BMP2K: variants seen among roughly 807,000 people sequenced by gnomAD.
BMP2K encodes the protein BMP-2-inducible protein kinase.
A neutral mutation model predicts 116.0 loss-of-function variants in BMP2K; 74 were observed. That is an observed-to-expected ratio of 0.64 (90% CI 0.53 to 0.77). BMP2K has a LOEUF of 0.77. Among genes scored for constraint, BMP2K ranks in the 30% least tolerant of loss-of-function variants. BMP2K has a pLI of 0.00. For missense variants in BMP2K, 1,365 were observed against 1,403.6 expected (o/e 0.97, Z 0.44); for synonymous variants, 486 against 502.5 (o/e 0.97, Z 0.44).
chr4:78,809,708 T>C lies in BMP2K; in HGVS notation c.179-16329T>C, dbSNP rs1344847138. On this transcript the variant is annotated intron_variant, in intron 1 of 15. Coordinates refer to ENST00000502613, the MANE Select transcript of BMP2K (RefSeq NM_198892.2). ...AGTGTTTTTTTTTTTTTTTAAATAA[T>C]TTCTGACTCTTTATTAACATTCTCT... Among the ~76,000 whole-genome samples, 6 of 151,150 alleles carry C rather than the reference T, an allele frequency of 4.0e-5. No homozygotes were observed. The East Asian group carries it at 1.2e-3, about 29-fold the overall frequency.
At position 78,802,804 on chromosome 4, in the gene BMP2K, CATTATTAT is replaced by C. The variant is rs1234074577; in HGVS notation, c.179-23230_179-23223del. 3.3e-5 allele frequency among the ~76,000 whole-genome samples: 5 copies of C among 151,926 alleles called. 1 individual carries two copies. In the South Asian group the frequency reaches 6.3e-4, roughly 19 times the overall value. ...TATAGTCCTTTGTTTATCTCTGCAC[CATTATTAT>C]ATAATCGAATCAGCATTTATAATCT... On this transcript the variant is annotated intron_variant, in intron 1 of 15. Transcript: ENST00000502613.
At chr4:78,795,857 G>A (rs1286657353) in intron 1 of BMP2K, among the ~76,000 whole-genome samples, 1 of 152,040 alleles carries the variant, frequency 6.6e-6, no homozygotes, top group Admixed American at 6.5e-5. Context: ...TCTCACACCA[G>A]TTAGAATGGC....
chr4:78,859,999 A>G (rs770820090), intron 8 of BMP2K: 1 of 536,246 alleles, frequency 1.9e-6, no homozygotes, highest in Non-Finnish European at 3.5e-6. Context: ...TAACAGTTTA[A>G]TAAACAGGAC....
At chr4:78,903,239 T>G (rs1375282452) in intron 15 of BMP2K, among the ~76,000 whole-genome samples, 1 of 152,082 alleles carries the variant, frequency 6.6e-6, no homozygotes, top group Non-Finnish European at 1.5e-5. Context: ...TGTATTTATT[T>G]GGTGAATATA....
chr4:78,872,948 C>T, intron 13 of BMP2K, 150 bp downstream of exon 13: 1 of 781,280 alleles, frequency 1.3e-6, no homozygotes, highest in Non-Finnish European at 2.0e-6. Context: ...TCTTCTGGTC[C>T]CTTGGCATCC....
intron 1 of BMP2K, among the ~76,000 whole-genome samples, chr4:78,810,924 A>G (rs1016560372): frequency 6.6e-6 from 1 of 152,006 alleles, no homozygotes; most frequent in Non-Finnish European, 1.5e-5. Flanking sequence ...AAAGGAGCAA[A>G]TTTTTGGAGG....
chr4:78,818,281 T>C (rs921802148), intron 1 of BMP2K, among the ~76,000 whole-genome samples: 6 of 152,300 alleles, frequency 3.9e-5, no homozygotes, highest in African/African-American at 1.4e-4. Flanking sequence ...ATATACCCAG[T>C]CACGGGATTG....
rs1443188378 is a variant in BMP2K at position 78,903,262 on chromosome 4, A to T, written c.2063-7348A>T. On this transcript the variant is annotated intron_variant, in intron 15 of 15. Transcript: ENST00000502613. ...TTTGGTGAATATAAGCTTGTTTTTC[A>T]AAATTATCCTATTGTTATTACCTTG... 5.9e-5 allele frequency among the ~76,000 whole-genome samples: 9 copies of T among 152,124 alleles called. No individual in the cohort carries two copies. The East Asian group carries it at 1.7e-3, about 29-fold the overall frequency.
chr4:78,821,099 GGAT>G (rs976734126), intron 1 of BMP2K, among the ~76,000 whole-genome samples: 9 of 152,106 alleles, frequency 5.9e-5, no homozygotes, highest in African/African-American at 1.7e-4. Context: ...TAGGTTCTTT[GGAT>G]GATTTCTTTA....
Position 78,833,659 on chromosome 4 carries a change from A to G in BMP2K, c.375A>G (p.Glu125=), listed in dbSNP as rs756474729. The change falls in exon 3 of 16, where the codon GAA becomes GAG. Residue 125 remains glutamate (E), a synonymous_variant. Transcript: ENST00000502613. ...ATTCAATTAGTGATAATGTATGGGA[A>G]GTCCTTATCTTAATGGAATATTGTC... ...AVNSISDNVW[E]VLILMEYCRA... is the part of the protein sequence containing the mutation. The G allele has an allele frequency of 2.5e-6, 4 of 1,606,744 alleles. No homozygotes were observed. The highest frequency in any genetic ancestry group is 1.1e-5 in the South Asian group (1 of 89,240).
chr4:78,887,421 T>C (rs1162510825), intron 15 of BMP2K, 137 bp downstream of exon 15: 3 of 672,842 alleles, frequency 4.5e-6, no homozygotes, highest in Non-Finnish European at 7.7e-6. Flanking sequence ...TTAGCCATCC[T>C]ACTCTTCTTA....
chr4:78,859,813 A>G (rs188301668), intron 8 of BMP2K, 126 bp downstream of exon 8: 4 of 656,608 alleles, frequency 6.1e-6, no homozygotes, highest in Non-Finnish European at 1.0e-5. Context: ...TTTCATGACA[A>G]GTGATCTGAT....
At chr4:78,847,381 T>G in intron 6 of BMP2K, 112 bp downstream of exon 6, 1 of 551,952 alleles carries the variant, frequency 1.8e-6, no homozygotes. Flanking sequence ...TAGAAGAGAG[T>G]GATGTACAGT....
At chr4:78,796,818 A>G (rs1304835664) in intron 1 of BMP2K, among the ~76,000 whole-genome samples, 1 of 152,214 alleles carries the variant, frequency 6.6e-6, no homozygotes. Flanking sequence ...AAAGAGTAAT[A>G]TTAGAGAACT....
At chr4:78,900,784 A>G (rs1333025063) in intron 15 of BMP2K, among the ~76,000 whole-genome samples, 1 of 152,202 alleles carries the variant, frequency 6.6e-6, no homozygotes, top group Admixed American at 6.5e-5. Context: ...TTTCTGGGAA[A>G]GTTAAATTTA....
Position 78,913,195 on chromosome 4 carries a change from A to G in BMP2K, c.*1162A>G, listed in dbSNP as rs572127541. 6.6e-6 allele frequency: 1 copy of G among 152,172 alleles called. No homozygotes were observed. The highest frequency in any genetic ancestry group is 1.5e-5 in the Non-Finnish European group (1 of 68,016). 9.4% of individuals were successfully genotyped at this position (152,172 alleles called of 1,614,324 possible). ...AATGGTGACACCCACAAAGCCTTAT[A>G]TAAAGGCAGGATTCATGCATCCTGC... is the stretch of plus-strand genomic sequence containing the variant. On this transcript the variant is annotated 3_prime_UTR_variant, in exon 16 of 16. Coordinates refer to ENST00000502613, the MANE Select transcript of BMP2K (RefSeq NM_198892.2).
chr4:78,910,796 C>T lies in BMP2K; in HGVS notation c.2249C>T (p.Ser750Phe). 6.2e-7 allele frequency: 1 copy of T among 1,613,800 alleles called. No homozygotes were observed. The highest frequency in any genetic ancestry group is 8.5e-7 in the Non-Finnish European group (1 of 1,179,834). ...SESDFESDPP[S>F]PKSSEEEEQD... Reference sequence around the variant, plus strand: ...AGTGATTTTGAATCAGATCCCCCTTCTCCTAAGAGCAGTGAAGAGGAAGAG... The same window carrying T: ...AGTGATTTTGAATCAGATCCCCCTTTTCCTAAGAGCAGTGAAGAGGAAGAG... The change falls in exon 16 of 16, where the codon TCT becomes TTT. Residue 750 changes from serine to phenylalanine, a missense_variant. Transcript: ENST00000502613.
Position 78,912,086 on chromosome 4 carries a change from G to GT in BMP2K, c.*57dup. Reference sequence around the variant, plus strand: ...CTCCTGTTTCAAAAAAGTGTGAACAGTTTTATGAATTTGAAAGAAAATTTG... The same window carrying GT: ...CTCCTGTTTCAAAAAAGTGTGAACAGTTTTTATGAATTTGAAAGAAAATTTG... On this transcript the variant is annotated 3_prime_UTR_variant, in exon 16 of 16. Transcript: ENST00000502613. The GT allele has an allele frequency of 6.7e-7, 1 of 1,483,608 alleles. No individual in the cohort carries two copies. Among genetic ancestry groups the GT allele is most frequent in the East Asian group, 2.3e-5 (1 of 43,922 alleles). The allele number at this position is 1,483,608 out of a possible 1,614,324, so 91.9% of individuals were successfully genotyped here.
chr4:78,886,957 TC>T (rs761896584), intron 14 of BMP2K, among the ~76,000 whole-genome samples: 5 of 152,186 alleles, frequency 3.3e-5, no homozygotes, highest in Non-Finnish European at 7.4e-5. Flanking sequence ...GTGAAACCTA[TC>T]ACGGATTATA....
Sources: allele counts gnomAD v4.1 joint callset (sites outside exome capture counted in the v4.1 genomes callset), GRCh38; gene constraint gnomAD v4.1.1; transcripts MANE v1.5; gene names NCBI Gene and HGNC (gene_info 2026-07-23, HGNC 2026-07-21).